Variants in TLN2 observed in about 807,000 individuals in gnomAD.
TLN2 encodes talin-2.
Under a neutral mutation model 294.7 loss-of-function variants are expected in TLN2, and 118 were observed. The ratio of observed to expected loss-of-function variants is 0.40; its 90% CI spans 0.34 to 0.47. The LOEUF (loss-of-function observed/expected upper bound fraction) is 0.47, where lower values mean the gene tolerates loss of function less well. Ranked by LOEUF, TLN2 falls within the 20% of genes least tolerant of loss-of-function variation. The pLI, the probability that TLN2 is intolerant of heterozygous loss-of-function variation, is 0.84. For missense variants in TLN2, 3,083 were observed against 3,282.2 expected, an observed-to-expected ratio of 0.94 and a Z score of 1.48; for synonymous variants, 1,431 against 1,304.5, an observed-to-expected ratio of 1.10 and a Z score of -2.09.
At chr15:62,714,188 CGTTTT>C (rs1567433835) in intron 22 of TLN2, among the ~76,000 whole-genome samples, 1 of 106,308 alleles carries the variant, frequency 9.4e-6, no homozygotes, top group African/African-American at 3.4e-5. Flanking sequence ...CCAATGTGCA[CGTTTT>C]TTTTTTTTTT....
intron 1 of TLN2, among the ~76,000 whole-genome samples, chr15:62,435,658 TA>T (rs1185636675): frequency 1.3e-5 from 2 of 152,146 alleles, no homozygotes; most frequent in African/African-American, 4.8e-5. Context: ...TCTCTTGCCT[TA>T]GCCTCCCAAG....
chr15:62,479,159 G>T lies in TLN2; in HGVS notation c.-238+88474G>T, dbSNP rs552130695. ...TAAGCTTGTCTTTCCATCTAGTCAA[G>T]CCTCTGGAGCTTGGGGGAGCTGGAT... On this transcript the variant is annotated intron_variant, in intron 1 of 58. Coordinates refer to ENST00000636159, the MANE Select transcript of TLN2 (RefSeq NM_015059.3). Among the ~76,000 whole-genome samples, 125 of 152,304 alleles carry T rather than the reference G, an allele frequency of 8.2e-4. 1 individual carries two copies. Among genetic ancestry groups the T allele is most frequent in the Non-Finnish European group, 1.1e-3 (72 of 68,028 alleles).
chr15:62,740,877 G>C (rs1171265212), intron 32 of TLN2, 108 bp downstream of exon 32: 2 of 1,431,898 alleles, frequency 1.4e-6, no homozygotes, highest in Non-Finnish European at 1.9e-6. Context: ...AATTGGTGCT[G>C]TCCTTAGGTC....
rs559649384 is a variant in TLN2, at chr15:62,444,030, A to G, written c.-238+53345A>G. Among the ~76,000 whole-genome samples, 5 of 152,324 alleles carry G rather than the reference A, an allele frequency of 3.3e-5. No homozygotes were observed. In the South Asian group the frequency reaches 8.3e-4, roughly 25 times the overall value. Reference sequence around the variant, plus strand: ...GAATCTGTTTTCTAGCAGTTCATTGATGTTAGCAGTTTACCATCCAGTCAA... The same window carrying G: ...GAATCTGTTTTCTAGCAGTTCATTGGTGTTAGCAGTTTACCATCCAGTCAA... On this transcript the variant is annotated intron_variant, in intron 1 of 58. Coordinates refer to ENST00000636159, the MANE Select transcript of TLN2 (RefSeq NM_015059.3).
intron 1 of TLN2, among the ~76,000 whole-genome samples, chr15:62,472,165 C>T (rs2037515767): frequency 6.6e-6 from 1 of 152,186 alleles, no homozygotes; most frequent in Non-Finnish European, 1.5e-5. Flanking sequence ...CACCCCACCA[C>T]CTCCTGCATT....
At chr15:62,795,550 G>C (rs891282469) in intron 46 of TLN2, among the ~76,000 whole-genome samples, 3 of 152,142 alleles carry the variant, frequency 2.0e-5, no homozygotes, top group African/African-American at 7.2e-5. Context: ...GCTTGCAGGA[G>C]TGTTAGAAGT....
Position 62,781,143 on chromosome 15 carries a change from G to A in TLN2, c.5518G>A (p.Asp1840Asn), listed in dbSNP as rs1229277678. Residue 1840 changes from aspartate (D) to asparagine (N), a missense_variant, in exon 44 of 59, where the codon GAT becomes AAT. Asp to Asn is a conservative substitution (Grantham distance 23, BLOSUM62 1). Transcript: ENST00000636159. ...DAIAEAMSKL[D>N]EGTPPEPKGT... ...ATTCTTTTCCTCTCCTCTGTAGCTG[G>A]ATGAAGGCACTCCTCCAGAACCAAA... 3 of 1,613,648 alleles carry A rather than the reference G, an allele frequency of 1.9e-6. No homozygotes were observed. The South Asian group carries it at 3.3e-5, about 18-fold the overall frequency.
intron 1 of TLN2, among the ~76,000 whole-genome samples, chr15:62,446,618 T>G (rs981417513): frequency 6.6e-6 from 1 of 152,148 alleles, no homozygotes; most frequent in African/African-American, 2.4e-5. Flanking sequence ...GGACTTCAGT[T>G]TTCTTATATA....
At chr15:62,667,811 A>G (rs1366017272) in intron 9 of TLN2, among the ~76,000 whole-genome samples, 1 of 152,190 alleles carries the variant, frequency 6.6e-6, no homozygotes, top group Non-Finnish European at 1.5e-5. Flanking sequence ...GGCAGCTTAA[A>G]TTTTACATAA....
chr15:62,798,452 C>G (rs1202035140), intron 48 of TLN2, among the ~76,000 whole-genome samples: 1 of 151,756 alleles, frequency 6.6e-6, no homozygotes, highest in African/African-American at 2.4e-5. Context: ...GGCTACTGAA[C>G]AAGTATATGT....
Position 62,711,852 on chromosome 15 carries a change from G to A in TLN2, c.2468-59G>A, listed in dbSNP as rs902724898. 3.2e-6 allele frequency: 5 copies of A among 1,541,154 alleles called. No homozygotes were observed. The Admixed American group carries it at 7.4e-5, about 23-fold the overall frequency. ...GAGACAAGACTGTAGTGGCTCCTGA[G>A]GTTTTACTGACCTTTGAAAAGCAGA... On this transcript the variant is annotated intron_variant, in intron 21 of 58. Transcript: ENST00000636159.
chr15:62,751,501 A>C (rs8030829), intron 34 of TLN2, among the ~76,000 whole-genome samples: 2 of 152,122 alleles, frequency 1.3e-5, no homozygotes, highest in Non-Finnish European at 2.9e-5. Flanking sequence ...TATCTAAGCA[A>C]TTTTAGGGAA....
At chr15:62,581,908 G>C (rs1017348599) in intron 1 of TLN2, among the ~76,000 whole-genome samples, 2 of 152,012 alleles carry the variant, frequency 1.3e-5, no homozygotes. Flanking sequence ...GCCGGGCGTA[G>C]TGGTATGAGT....
chr15:62,731,438 C>T (rs896126807), intron 28 of TLN2, among the ~76,000 whole-genome samples: 8 of 151,740 alleles, frequency 5.3e-5, no homozygotes, highest in Middle Eastern at 3.2e-3. Context: ...GATTACTCTT[C>T]GCTTCTGGCA....
chr15:62,763,332 C>T, intron 39 of TLN2: 2 of 418,014 alleles, frequency 4.8e-6, no homozygotes, highest in Non-Finnish European at 8.3e-6. Context: ...AGGTGGAGGG[C>T]AGGACCATAT....
chr15:62,577,350 A>G (rs1240824035), intron 1 of TLN2, among the ~76,000 whole-genome samples: 1 of 152,180 alleles, frequency 6.6e-6, no homozygotes, highest in Non-Finnish European at 1.5e-5. Context: ...AGGCTGAGGC[A>G]GGTGAATCAC....
intron 49 of TLN2, 58 bp downstream of exon 49, chr15:62,800,551 G>C: frequency 6.2e-7 from 1 of 1,610,786 alleles, no homozygotes; most frequent in Non-Finnish European, 8.5e-7. Context: ...CTTAAAGGAA[G>C]GAGAGGCGTC....
At chr15:62,485,074 A>G (rs1295023502) in intron 1 of TLN2, among the ~76,000 whole-genome samples, 1 of 152,118 alleles carries the variant, frequency 6.6e-6, no homozygotes, top group Non-Finnish European at 1.5e-5. Flanking sequence ...AAATCCAGCT[A>G]TGTGGTATCT....
intron 9 of TLN2, among the ~76,000 whole-genome samples, chr15:62,666,967 TTTTC>T (rs1315227634): frequency 6.6e-6 from 1 of 151,672 alleles, no homozygotes; most frequent in Non-Finnish European, 1.5e-5. Flanking sequence ...TGGCATTTCT[TTTTC>T]TTTTTCTTTT....
Sources: gnomAD v4.1 joint callset for allele counts (sites outside exome capture counted in the v4.1 genomes callset) on GRCh38, gnomAD v4.1.1 for gene constraint, MANE v1.5 for transcripts, NCBI Gene and HGNC (gene_info 2026-07-23, HGNC 2026-07-21) for gene names.